Variants in KCNIP4 observed in about 807,000 individuals in gnomAD.
KCNIP4 encodes the protein Kv channel-interacting protein 4.
KCNIP4 carries 12 observed loss-of-function variants against 34.0 expected under a neutral mutation model. That is an observed-to-expected ratio of 0.35 (90% CI 0.23 to 0.57). The LOEUF is 0.57. Among genes scored for constraint, KCNIP4 ranks in the 20% least tolerant of loss-of-function variants. The pLI is 0.83. For missense variants in KCNIP4, 238 were observed against 311.7 expected (o/e 0.76, Z 1.78); for synonymous variants, 124 against 102.2 (o/e 1.21, Z -1.29).
rs191181105 is a variant in KCNIP4, at chr4:21,547,046, G to T, written c.61+401525C>A. Among the ~76,000 whole-genome samples, 483 of 152,216 alleles carry T rather than the reference G, an allele frequency of 3.2e-3. 4 individuals are homozygous for T. Among genetic ancestry groups the T allele is most frequent in the Middle Eastern group, 0.01 (3 of 294 alleles). On this transcript the variant is annotated intron_variant, in intron 1 of 8. Transcript: ENST00000382152. Reference sequence around the variant, plus strand: ...CATCACATTCATATTGCTGGGTTTGGCTTGGCTCTTGTGCTGTGGTGATCC... The same window carrying T: ...CATCACATTCATATTGCTGGGTTTGTCTTGGCTCTTGTGCTGTGGTGATCC...
intron 1 of KCNIP4, among the ~76,000 whole-genome samples, chr4:21,827,957 G>C (rs1722766417): frequency 6.7e-6 from 1 of 150,332 alleles, no homozygotes; most frequent in South Asian, 2.1e-4. Flanking sequence ...CAAAATTTTG[G>C]GTAAAACGAG....
At chr4:20,904,097 A>G (rs779394215) in intron 1 of KCNIP4, among the ~76,000 whole-genome samples, 205 of 152,148 alleles carry the variant, frequency 1.3e-3, no homozygotes, top group Middle Eastern at 3.4e-3. Flanking sequence ...TAGCCTTAAG[A>G]GTAAAAAGTG....
At chr4:21,006,625 T>A (rs557569929) in intron 1 of KCNIP4, among the ~76,000 whole-genome samples, 1 of 152,164 alleles carries the variant, frequency 6.6e-6, no homozygotes, top group Non-Finnish European at 1.5e-5. Context: ...TACAGAAGCA[T>A]GGAAGAATGG....
chr4:20,876,686 T>C (rs905139987), intron 2 of KCNIP4, among the ~76,000 whole-genome samples: 4 of 152,114 alleles, frequency 2.6e-5, no homozygotes, highest in African/African-American at 7.2e-5. Context: ...GTGATTCTCC[T>C]GCCTCAGCCT....
intron 1 of KCNIP4, chr4:21,697,743 T>C (rs1027973832): frequency 5.7e-6 from 6 of 1,055,738 alleles, no homozygotes; most frequent in Non-Finnish European, 7.0e-6. Context: ...CCAGCTCTGG[T>C]TCGGCTCGGC....
rs1318687393 is a variant in KCNIP4, at chr4:20,837,686, A to ATTTTTT, written c.288+12851_288+12856dup. On this transcript the variant is annotated intron_variant, in intron 3 of 8. Transcript: ENST00000382152. ...GCTATATATATATATATATATATATATTTTTTTTTCCTTGGAGATGGAGTC... is the reference window on the plus strand; with the variant it reads ...GCTATATATATATATATATATATATATTTTTTTTTTTTTTTCCTTGGAGATGGAGTC... Among the ~76,000 whole-genome samples, 965 of 117,336 alleles carry ATTTTTT rather than the reference A, an allele frequency of 8.2e-3. 19 individuals carry two copies. The highest frequency in any genetic ancestry group is 0.031 in the African/African-American group (919 of 29,820). 77.0% of individuals were successfully genotyped at this position (117,336 alleles called of 152,430 possible).
intron 1 of KCNIP4, among the ~76,000 whole-genome samples, chr4:20,990,929 T>C (rs1737029695): frequency 1.3e-5 from 2 of 152,360 alleles, no homozygotes; most frequent in African/African-American, 4.8e-5. Context: ...ACAATAATAC[T>C]GAATTCCTAC....
intron 1 of KCNIP4, among the ~76,000 whole-genome samples, chr4:21,079,712 A>ACTG (rs1745834142): frequency 6.6e-6 from 1 of 151,922 alleles, no homozygotes; most frequent in Non-Finnish European, 1.5e-5. Context: ...TGGAATATAA[A>ACTG]GAGATTATTC....
At chr4:21,666,858 G>A (rs1281699663) in intron 1 of KCNIP4, among the ~76,000 whole-genome samples, 1 of 152,148 alleles carries the variant, frequency 6.6e-6, no homozygotes, top group East Asian at 1.9e-4. Flanking sequence ...ACATTGAATG[G>A]GTTCTTCTCC....
chr4:21,326,736 T>C (rs75372453), intron 1 of KCNIP4, among the ~76,000 whole-genome samples: 1 of 151,916 alleles, frequency 6.6e-6, no homozygotes, highest in Admixed American at 6.6e-5. Context: ...TTCCTTTCTG[T>C]CTTCCTTTTA....
intron 1 of KCNIP4, among the ~76,000 whole-genome samples, chr4:21,000,287 C>T (rs1023744773): frequency 2.6e-5 from 4 of 152,082 alleles, no homozygotes; most frequent in Non-Finnish European, 4.4e-5. Flanking sequence ...CTGCCCTTGT[C>T]TCCCCATATT....
At chr4:20,806,610 A>G (rs1715124781) in intron 3 of KCNIP4, among the ~76,000 whole-genome samples, 1 of 151,776 alleles carries the variant, frequency 6.6e-6, no homozygotes, top group Non-Finnish European at 1.5e-5. Context: ...CCCACTAGCT[A>G]TTTGTAAGCA....
At chr4:21,105,808 G>A (rs1748464540) in intron 1 of KCNIP4, among the ~76,000 whole-genome samples, 1 of 151,462 alleles carries the variant, frequency 6.6e-6, no homozygotes, top group South Asian at 2.1e-4. Flanking sequence ...AGCATGAAGG[G>A]TTGTTGAATT....
intron 1 of KCNIP4, among the ~76,000 whole-genome samples, chr4:21,313,725 G>A (rs1373190272): frequency 6.6e-6 from 1 of 152,134 alleles, no homozygotes; most frequent in Non-Finnish European, 1.5e-5. Flanking sequence ...ATAACTGAGA[G>A]CATGCTATGT....
chr4:21,472,762 T>C (rs911711677), intron 1 of KCNIP4, among the ~76,000 whole-genome samples: 33 of 152,186 alleles, frequency 2.2e-4, no homozygotes, highest in African/African-American at 7.7e-4. Context: ...CCTTGGTTTT[T>C]CTCTAATTAA....
rs1450422206 is a variant in KCNIP4 at position 21,948,440 on chromosome 4, C to G, written c.61+131G>C. On this transcript the variant is annotated intron_variant, in intron 1 of 8. Coordinates refer to ENST00000382152, the MANE Select transcript of KCNIP4 (RefSeq NM_025221.6). ...CTCCCACCTCCCCTTCCCAGTCCCG[C>G]CAGGTGACTGTGTCTCATGCAGCGA... 6.0e-6 allele frequency: 6 copies of G among 995,434 alleles called. No homozygotes were observed. The African/African-American group carries it at 9.8e-5, about 16-fold the overall frequency. The allele number at this position is 995,434 out of a possible 1,614,324, so 61.7% of individuals were successfully genotyped here.
chr4:20,959,999 A>G (rs1282337029), intron 1 of KCNIP4, among the ~76,000 whole-genome samples: 1 of 152,194 alleles, frequency 6.6e-6, no homozygotes, highest in Non-Finnish European at 1.5e-5. Flanking sequence ...TAATATCACC[A>G]TTGTCTGGCT....
chr4:21,334,071 T>C lies in KCNIP4; in HGVS notation c.62-451362A>G, dbSNP rs142213825. On this transcript the variant is annotated intron_variant, in intron 1 of 8. Coordinates refer to ENST00000382152, the MANE Select transcript of KCNIP4 (RefSeq NM_025221.6). Reference sequence around the variant, plus strand: ...TTAAGAAACCAGCTACAAAAACTCATCTTTTTTTTTAAATCCAATAATCAT... The same window carrying C: ...TTAAGAAACCAGCTACAAAAACTCACCTTTTTTTTTAAATCCAATAATCAT... Among the ~76,000 whole-genome samples, 347 of 152,186 alleles carry C rather than the reference T, an allele frequency of 2.3e-3. 3 individuals carry two copies. Among genetic ancestry groups the C allele is most frequent in the African/African-American group, 6.7e-3 (277 of 41,542 alleles).
chr4:21,467,811 A>T (rs144717063), intron 1 of KCNIP4, among the ~76,000 whole-genome samples: 2 of 152,176 alleles, frequency 1.3e-5, no homozygotes, highest in African/African-American at 4.8e-5. Flanking sequence ...AGGTATATCA[A>T]ATAGGTATGC....
Sources: allele counts gnomAD v4.1 joint callset (sites outside exome capture counted in the v4.1 genomes callset), GRCh38; gene constraint gnomAD v4.1.1; transcripts MANE v1.5; gene names NCBI Gene and HGNC (gene_info 2026-07-23, HGNC 2026-07-21).